SCARB1: variants seen among roughly 807,000 people sequenced by gnomAD.
SCARB1 encodes the protein CD36 and LIMPII analogous 1.
SCARB1 carries 30 observed loss-of-function variants against 57.2 expected under a neutral mutation model. The observed-to-expected ratio is 0.52, with a 90% CI of 0.39 to 0.71. SCARB1 has a LOEUF of 0.71. Ranked by LOEUF, SCARB1 falls within the 30% of genes least tolerant of loss-of-function variation. The pLI is 0.00. For synonymous variants in SCARB1, 249 were observed against 268.3 expected (o/e 0.93, Z 0.70); for missense variants, 543 against 671.2 (o/e 0.81, Z 2.11).
intron 7 of SCARB1, among the ~76,000 whole-genome samples, chr12:124,806,175 G>A (rs1273396667): frequency 6.6e-6 from 1 of 152,160 alleles, no homozygotes; most frequent in Non-Finnish European, 1.5e-5. Context: ...CACCAGGAAG[G>A]ACGTGTCCGT....
intron 8 of SCARB1, among the ~76,000 whole-genome samples, 158 bp from the exon 9 acceptor site, chr12:124,795,426 G>GC (rs1176060940): frequency 6.6e-6 from 1 of 152,142 alleles, no homozygotes; most frequent in Non-Finnish European, 1.5e-5. Flanking sequence ...CAGGCTGGGG[G>GC]GGGTCAACAG....
At chr12:124,840,421 C>T (rs1434994820) in intron 1 of SCARB1, among the ~76,000 whole-genome samples, 1 of 152,160 alleles carries the variant, frequency 6.6e-6, no homozygotes, top group East Asian at 1.9e-4. Context: ...TGTGATCCGC[C>T]CACCTTGGCC....
In SCARB1 at chr12:124,807,693, C is replaced by T; in HGVS notation, c.1009+68G>A. 1 of 1,471,566 alleles carries T rather than the reference C, an allele frequency of 6.8e-7. No homozygotes were observed. The highest frequency in any genetic ancestry group is 2.3e-5 in the East Asian group (1 of 43,764). The allele number at this position is 1,471,566 out of a possible 1,614,324, so 91.2% of individuals were successfully genotyped here. On this transcript the variant is annotated intron_variant, in intron 7 of 12. Transcript: ENST00000261693. The surrounding 1 kb of genome is among the most constrained non-coding windows in gnomAD (Gnocchi z 5.3). ...CAGAGATTAAGCAGACAGCACTGGG[C>T]AGATAAACCCTCAGCTGGCCCCACC...
Position 124,814,347 on chromosome 12 carries a change from G to T in SCARB1, c.485C>A (p.Ala162Glu). ...GGCACGTTCGCCGAGGGTGGTGAAT[G>T]CCAAGGTCATGATGAGCTTCAGGGT... ...PMTLKLIMTL[A>E]FTTLGERAFM... The change falls in exon 4 of 13, where the codon GCA (alanine) becomes GAA (glutamate). Residue 162 changes from alanine (A) to glutamate (E), a missense_variant. Transcript: ENST00000261693. This position sits in a 1 kb window ranked among gnomAD's most constrained non-coding sequence, Gnocchi z 4.7. 6.2e-7 allele frequency: 1 copy of T among 1,614,168 alleles called. No homozygotes were observed. The highest frequency in any genetic ancestry group is 8.5e-7 in the Non-Finnish European group (1 of 1,180,038).
intron 1 of SCARB1, among the ~76,000 whole-genome samples, chr12:124,828,527 G>A (rs4765179): frequency 0.5 from 75,394 of 151,838 alleles, 19,251 homozygotes; most frequent in East Asian, 0.67. Flanking sequence ...TCGTCTGGAC[G>A]ATCTGCCCGG....
At chr12:124,837,505 G>GGAAGGAAGGAAGGAAGGAAGA (rs1951705027) in intron 1 of SCARB1, among the ~76,000 whole-genome samples, 1 of 84,902 alleles carries the variant, frequency 1.2e-5, no homozygotes, top group African/African-American at 7.2e-5. Flanking sequence ...GGAAGGAAGG[G>GGAAGGAAGGAAGGAAGGAAGA]AGAAAAAAGA....
chr12:124,832,022 T>C (rs1271444164), intron 1 of SCARB1, among the ~76,000 whole-genome samples: 1 of 152,006 alleles, frequency 6.6e-6, no homozygotes, highest in Non-Finnish European at 1.5e-5. Context: ...GGGCCCTGGA[T>C]TGGGTCCTGG....
intron 1 of SCARB1, chr12:124,821,681 G>T: frequency 2.8e-6 from 1 of 351,582 alleles, no homozygotes; most frequent in Non-Finnish European, 4.0e-6. Flanking sequence ...CGCCTCATGG[G>T]CTGCTGTGAG....
Position 124,853,313 on chromosome 12 carries a change from A to G in SCARB1, c.126+10282T>C, listed in dbSNP as rs572677213. Reference sequence around the variant, plus strand: ...GTTGAGATGGGCAGGGCCCACGAAAATGAGGCTCACAGCTTTGATACCAAA... The same window carrying G: ...GTTGAGATGGGCAGGGCCCACGAAAGTGAGGCTCACAGCTTTGATACCAAA... On this transcript the variant is annotated intron_variant, in intron 1 of 12. Coordinates refer to ENST00000261693, the MANE Select transcript of SCARB1 (RefSeq NM_005505.5). Among the ~76,000 whole-genome samples, 419 of 152,048 alleles carry G rather than the reference A, an allele frequency of 2.8e-3. 2 individuals carry two copies. The highest frequency in any genetic ancestry group is 2.3e-3 in the South Asian group (11 of 4,812).
In SCARB1 at chr12:124,814,270, C is replaced by T; in HGVS notation, c.562G>A (p.Val188Met). 5 of 1,614,224 alleles carry T rather than the reference C, an allele frequency of 3.1e-6. No individual in the cohort carries two copies. Among genetic ancestry groups the T allele is most frequent in the Non-Finnish European group, 4.2e-6 (5 of 1,180,048 alleles). ...EIMWGYKDPL[V>M]NLINKYFPGM... is the part of the protein sequence containing the mutation. ...GGAAAGTACTTGTTGATGAGATTCACAAGGGGGTCCTTGTAGCCCCACATG... is the reference window on the plus strand; with the variant it reads ...GGAAAGTACTTGTTGATGAGATTCATAAGGGGGTCCTTGTAGCCCCACATG... Residue 188 changes from valine to methionine, a missense_variant, in exon 4 of 13, where the codon GTG becomes ATG. Val to Met is a conservative substitution (Grantham distance 21). Transcript: ENST00000261693. This position sits in a 1 kb window ranked among gnomAD's most constrained non-coding sequence, Gnocchi z 4.7.
At chr12:124,793,585 T>C (rs1428116698) in intron 9 of SCARB1, among the ~76,000 whole-genome samples, 7 of 149,020 alleles carry the variant, frequency 4.7e-5, no homozygotes, top group African/African-American at 1.0e-4. Flanking sequence ...CCCAGCTACT[T>C]GGGAGGCTGA....
rs546203953 is a variant in SCARB1 at position 124,857,116 on chromosome 12, G to A, written c.126+6479C>T. Among the ~76,000 whole-genome samples the A allele has an allele frequency of 3.9e-5, 6 of 152,192 alleles. No individual in the cohort carries two copies. The East Asian group carries it at 7.7e-4, about 20-fold the overall frequency. On this transcript the variant is annotated intron_variant, in intron 1 of 12. Coordinates refer to ENST00000261693, the MANE Select transcript of SCARB1 (RefSeq NM_005505.5). ...GACCTGCTCAGACACACGGAGAACC[G>A]GGAGGACGCAGTGCGCAGAGGCCAC...
chr12:124,819,659 C>T (rs1280125056), intron 1 of SCARB1, among the ~76,000 whole-genome samples: 1 of 152,202 alleles, frequency 6.6e-6, no homozygotes, highest in Non-Finnish European at 1.5e-5. Context: ...GAGCTGATGT[C>T]GCAAAGCCAG....
intron 1 of SCARB1, among the ~76,000 whole-genome samples, chr12:124,831,923 C>G (rs186753928): frequency 1.3e-5 from 2 of 152,154 alleles, no homozygotes; most frequent in African/African-American, 4.8e-5. Context: ...TGCTCAGGAA[C>G]GCAATCCAGG....
chr12:124,826,504 C>G (rs1223407005), intron 1 of SCARB1, among the ~76,000 whole-genome samples: 3 of 152,010 alleles, frequency 2.0e-5, no homozygotes, highest in African/African-American at 7.2e-5. Flanking sequence ...GCTCAGTTGC[C>G]CAGGCTGGAA....
chr12:124,791,556 A>G (rs570219478), intron 9 of SCARB1, among the ~76,000 whole-genome samples: 1 of 152,352 alleles, frequency 6.6e-6, no homozygotes, highest in East Asian at 1.9e-4. Context: ...ATCCCAGCAA[A>G]GAAATGGACA....
intron 12 of SCARB1, among the ~76,000 whole-genome samples, chr12:124,778,832 C>T (rs1872806294): frequency 6.6e-6 from 1 of 152,164 alleles, no homozygotes; most frequent in African/African-American, 2.4e-5. Context: ...AACTGAGGCC[C>T]AAAGAGACTT....
chr12:124,783,207 A>G (rs930710960), intron 11 of SCARB1: 2 of 223,244 alleles, frequency 9.0e-6, no homozygotes, highest in Non-Finnish European at 1.8e-5. Flanking sequence ...ATGACTTGAG[A>G]AGAAAAAATT....
In SCARB1 at chr12:124,827,037, C is replaced by T. The variant is rs533999207; in HGVS notation, c.127-9330G>A. Among the ~76,000 whole-genome samples, 6 of 152,244 alleles carry T rather than the reference C, an allele frequency of 3.9e-5. No homozygotes were observed. The East Asian group carries it at 9.6e-4, about 24-fold the overall frequency. On this transcript the variant is annotated intron_variant, in intron 1 of 12. Coordinates refer to ENST00000261693, the MANE Select transcript of SCARB1 (RefSeq NM_005505.5). ...TGAAAATAACATACGAGCCACCGTC[C>T]GAACATTGGCCTACAAGCCCCTCTG... is the stretch of plus-strand genomic sequence containing the variant.
Sources: gnomAD v4.1 joint callset for allele counts (sites outside exome capture counted in the v4.1 genomes callset) on GRCh38, gnomAD v4.1.1 for gene constraint, Gnocchi (gnomAD v3.1) non-coding constraint, MANE v1.5 for transcripts, NCBI Gene and HGNC (gene_info 2026-07-23, HGNC 2026-07-21) for gene names.